Variants in LAMP2 observed in about 807,000 individuals in gnomAD.
The protein encoded by LAMP2 is lysosome associated membrane protein 2, also known as lysosome-associated membrane glycoprotein 2.
A neutral mutation model predicts 25.6 loss-of-function variants in LAMP2; 4 were observed. That is an observed-to-expected ratio of 0.16 (90% CI 0.08 to 0.36). LAMP2 has a LOEUF of 0.36. Among genes scored for constraint, LAMP2 ranks in the 10% least tolerant of loss-of-function variants. The pLI is 1.00. For missense variants in LAMP2, 272 were observed against 301.4 expected, an observed-to-expected ratio of 0.90 and a Z score of 0.72; for synonymous variants, 108 against 112.7, an observed-to-expected ratio of 0.96 and a Z score of 0.27.
At chrX:120,466,713 A>G (rs942021717) in intron 1 of LAMP2, among the ~76,000 whole-genome samples, 8 of 112,040 alleles carry the variant, frequency 7.1e-5, no homozygotes, top group Non-Finnish European at 1.1e-4. Context: ...AGAAATTAAA[A>G]CTGAGAAATG....
intron 4 of LAMP2, 126 bp downstream of exon 4, chrX:120,448,844 G>A: frequency 1.7e-6 from 1 of 576,476 alleles, no homozygotes; most frequent in Non-Finnish European, 2.8e-6. Flanking sequence ...AAACTTTATA[G>A]CCTAGTAGAA....
At position 120,431,086 on chromosome X, in the gene LAMP2, G is replaced by A. The variant is rs143070918; in HGVS notation, c.*237C>T. 1,105 of 994,447 alleles carry A rather than the reference G, an allele frequency of 1.1e-3. 9 individuals are homozygous for A. The African/African-American group carries it at 0.019, about 17-fold the overall frequency. The allele number at this position is 994,447 out of a possible 1,213,427, so 82.0% of individuals were successfully genotyped here. A position where few individuals can be genotyped will look rare whatever the true frequency, so the allele number is the denominator to read the frequency against. ...TAAGATAGACCTTAAAACATTGCAC[G>A]TTGATGTTCTTTTGAACAAGTTTGT... On this transcript the variant is annotated 3_prime_UTR_variant, in exon 9 of 9. Coordinates refer to ENST00000200639, the MANE Select transcript of LAMP2 (RefSeq NM_002294.3).
Position 120,429,989 on chromosome X carries a change from ACTCAT to A in LAMP2, c.*1329_*1333del, listed in dbSNP as rs772626501. The A allele has an allele frequency of 2.4e-4, 183 of 752,918 alleles. No individual in the cohort carries two copies. Among genetic ancestry groups the A allele is most frequent in the Non-Finnish European group, 2.7e-4 (175 of 638,919 alleles). 62.0% of individuals were successfully genotyped at this position (752,918 alleles called of 1,213,427 possible). A position where few individuals can be genotyped will look rare whatever the true frequency, so the allele number is the denominator to read the frequency against. On this transcript the variant is annotated 3_prime_UTR_variant, in exon 9 of 9. Transcript: ENST00000200639. ...GTTGCTACGGTTCTGAGTACACAACACTCATCTCAGTAACCACACATTAGCCTATG... is the reference window on the plus strand; with the variant it reads ...GTTGCTACGGTTCTGAGTACACAACACTCAGTAACCACACATTAGCCTATG...
intron 3 of LAMP2, among the ~76,000 whole-genome samples, chrX:120,453,605 C>G (rs185985500): frequency 5.6e-4 from 63 of 111,892 alleles, no homozygotes; most frequent in African/African-American, 1.8e-3. Flanking sequence ...GTCAGGATTT[C>G]GAGACCATCC....
intron 1 of LAMP2, among the ~76,000 whole-genome samples, chrX:120,458,359 A>G (rs1000919192): frequency 8.9e-6 from 1 of 112,375 alleles, no homozygotes; most frequent in African/African-American, 3.2e-5. Context: ...AAGACCATGT[A>G]AAATAGTAAT....
chrX:120,459,220 C>T (rs1413289347), intron 1 of LAMP2, among the ~76,000 whole-genome samples: 2 of 112,003 alleles, frequency 1.8e-5, no homozygotes, highest in African/African-American at 6.5e-5. Flanking sequence ...AAATGCTCAC[C>T]TCAAAGATGG....
intron 2 of LAMP2, among the ~76,000 whole-genome samples, chrX:120,456,395 A>T (rs760990528): frequency 8.1e-5 from 9 of 111,101 alleles, no homozygotes; most frequent in Non-Finnish European, 1.3e-4. Flanking sequence ...CTTAGACCTG[A>T]ACACCATATA....
At chrX:120,438,755 C>T (rs1161766688) in intron 8 of LAMP2, 1 of 806,658 alleles carries the variant, frequency 1.2e-6, no homozygotes, top group Admixed American at 7.2e-5. Flanking sequence ...GGAGCAAGTA[C>T]AAATCCACGG....
At chrX:120,462,172 A>G (rs1921339604) in intron 1 of LAMP2, among the ~76,000 whole-genome samples, 1 of 111,165 alleles carries the variant, frequency 9.0e-6, no homozygotes, top group Admixed American at 9.7e-5. Flanking sequence ...ACCGTTCTCA[A>G]AGTCAAATAT....
rs768369360 is a variant in LAMP2 at position 120,442,620 on chromosome X, T to A, written c.907A>T (p.Met303Leu). The A allele has an allele frequency of 1.6e-5, 19 of 1,208,501 alleles. No homozygotes were observed. The highest frequency in any genetic ancestry group is 2.1e-5 in the Non-Finnish European group (19 of 893,669). ...TTACCGGAGCCATTAACCAAATACA[T>A]GCTGATGTTCACTTCCTTCAGATAA... The part of the protein sequence containing the change: ...RFYLKEVNIS[M>L]YLVNGSVFSI... The change falls in exon 7 of 9, where the codon ATG becomes TTG. Residue 303 changes from methionine to leucine, a missense_variant. By Grantham distance (15) the Met-to-Leu change is conservative. Coordinates refer to ENST00000200639, the MANE Select transcript of LAMP2 (RefSeq NM_002294.3).
chrX:120,429,173 TATAC>T lies in LAMP2; in HGVS notation c.*2146_*2149del. The stretch of plus-strand genomic sequence containing the variant: ...GTGTGTGTGTGTACATATATATATA[TATAC>T]ACACACACACAATTATTTTTAGCTG... On this transcript the variant is annotated 3_prime_UTR_variant, in exon 9 of 9. Transcript: ENST00000200639. 1 of 743,821 alleles carries T rather than the reference TATAC, an allele frequency of 1.3e-6. No homozygotes were observed. Among genetic ancestry groups the T allele is most frequent in the Non-Finnish European group, 1.6e-6 (1 of 634,058 alleles). The allele number at this position is 743,821 out of a possible 1,213,427, so 61.3% of individuals were successfully genotyped here.
Position 120,430,701 on chromosome X carries a change from CA to C in LAMP2, c.*621del. On this transcript the variant is annotated 3_prime_UTR_variant, in exon 9 of 9. Transcript: ENST00000200639. ...CTGTATCATCCCTAGGGAAAAATCA[CA>C]GGCTTGAGGTACTAACTTCATGCTT... The C allele has an allele frequency of 1.3e-6, 1 of 754,569 alleles. No homozygotes were observed. Among genetic ancestry groups the C allele is most frequent in the Non-Finnish European group, 1.6e-6 (1 of 639,427 alleles). The allele number at this position is 754,569 out of a possible 1,213,427, so 62.2% of individuals were successfully genotyped here. A position where few individuals can be genotyped will look rare whatever the true frequency, so the allele number is the denominator to read the frequency against.
At chrX:120,432,654 CACTT>C (rs1264520244) in intron 8 of LAMP2, among the ~76,000 whole-genome samples, 1 of 111,605 alleles carries the variant, frequency 9.0e-6, no homozygotes, top group African/African-American at 3.3e-5. Context: ...TCCAATTCCA[CACTT>C]GACTGATTAT....
At chrX:120,456,036 ATT>A (rs66809896) in intron 2 of LAMP2, among the ~76,000 whole-genome samples, 91 of 89,544 alleles carry the variant, frequency 1.0e-3, no homozygotes, top group South Asian at 8.5e-3. Context: ...TAAGTAAGCG[ATT>A]TTTTTTTTTT....
rs1370600476 is a variant in LAMP2 at position 120,427,058 on chromosome X, G to A, written c.*4265C>T. Among the ~76,000 whole-genome samples the A allele has an allele frequency of 9.0e-6, 1 of 111,683 alleles. No homozygotes were observed. Among genetic ancestry groups the A allele is most frequent in the Non-Finnish European group, 1.9e-5 (1 of 53,106 alleles). ...AGGGTTCTGGCATGAGTTAATGGCA[G>A]CAATACAGTGGTGAGCTTCTGCATT... On this transcript the variant is annotated 3_prime_UTR_variant, in exon 9 of 9. Transcript: ENST00000200639.
Position 120,428,979 on chromosome X carries a change from C to T in LAMP2, c.*2344G>A, listed in dbSNP as rs752409883. The T allele has an allele frequency of 4.7e-5, 32 of 677,629 alleles. No individual in the cohort carries two copies. The African/African-American group carries it at 5.7e-4, about 12-fold the overall frequency. The allele number at this position is 677,629 out of a possible 1,213,427, so 55.8% of individuals were successfully genotyped here. ...TGTATTTCCCTACTCTCTTTCTCTT[C>T]GTCACACCTATAATTAAAGTATAAA... On this transcript the variant is annotated 3_prime_UTR_variant, in exon 9 of 9. Transcript: ENST00000200639.
chrX:120,430,349 T>C lies in LAMP2; in HGVS notation c.*974A>G, dbSNP rs1481181108. 1.9e-5 allele frequency: 14 copies of C among 754,856 alleles called. No individual in the cohort carries two copies. The highest frequency in any genetic ancestry group is 2.2e-5 in the Non-Finnish European group (14 of 639,449). The allele number at this position is 754,856 out of a possible 1,213,427, so 62.2% of individuals were successfully genotyped here. A position where few individuals can be genotyped will look rare whatever the true frequency, so the allele number is the denominator to read the frequency against. On this transcript the variant is annotated 3_prime_UTR_variant, in exon 9 of 9. Coordinates refer to ENST00000200639, the MANE Select transcript of LAMP2 (RefSeq NM_002294.3). ...CATCTTGAAGAAACAAGAGCCTAGT[T>C]GCTATGCTTCACTGCCTCCCTTCTG...
rs756720313 is a variant in LAMP2, at chrX:120,428,386, A to C, written c.*2937T>G. 1 of 1,038,479 alleles carries C rather than the reference A, an allele frequency of 9.6e-7. No homozygotes were observed. Among genetic ancestry groups the C allele is most frequent in the Non-Finnish European group, 1.2e-6 (1 of 806,950 alleles). 85.6% of individuals were successfully genotyped at this position (1,038,479 alleles called of 1,213,427 possible). A position where few individuals can be genotyped will look rare whatever the true frequency, so the allele number is the denominator to read the frequency against. ...TAGGAACTCACTGAAGTTAGTCTGC[A>C]TATCTTAAACAATCTATTGCACAGC... On this transcript the variant is annotated 3_prime_UTR_variant, in exon 9 of 9. Coordinates refer to ENST00000200639, the MANE Select transcript of LAMP2 (RefSeq NM_002294.3).
At chrX:120,445,802 G>A (rs191809584) in intron 6 of LAMP2, among the ~76,000 whole-genome samples, 21 of 112,235 alleles carry the variant, frequency 1.9e-4, no homozygotes, top group African/African-American at 6.5e-4. Flanking sequence ...AAATTGTCCT[G>A]ATTTAATGAA....
Sources: allele counts gnomAD v4.1 joint callset (sites outside exome capture counted in the v4.1 genomes callset), GRCh38; gene constraint gnomAD v4.1.1; transcripts MANE v1.5; gene names NCBI Gene and HGNC (gene_info 2026-07-23, HGNC 2026-07-21).